The following AGBL1 variants were observed in gnomAD, a reference collection of about 807,000 sequenced individuals.
The protein encoded by AGBL1 is cytosolic carboxypeptidase 4.
AGBL1 carries 130 observed loss-of-function variants against 118.9 expected under a neutral mutation model. That is an observed-to-expected ratio of 1.09 (90% CI 0.95 to 1.26). The LOEUF is 1.26. Ranked by LOEUF, AGBL1 falls within the 50% of genes most tolerant of loss-of-function variation. The probability of loss-of-function intolerance (pLI) is 0.00; values close to 1 mark genes in which losing one functional copy is unlikely to be tolerated. For missense variants in AGBL1, 1,584 were observed against 1,298.1 expected, an observed-to-expected ratio of 1.22 and a Z score of -3.38; for synonymous variants, 555 against 478.9, an observed-to-expected ratio of 1.16 and a Z score of -2.08.
intron 22 of AGBL1, among the ~76,000 whole-genome samples, chr15:86,768,268 C>T (rs918659498): frequency 2.6e-5 from 4 of 151,954 alleles, no homozygotes; most frequent in African/African-American, 9.7e-5. Flanking sequence ...CATCTCCATA[C>T]CCTTCCCATT....
chr15:86,537,382 C>A (rs866482592), intron 19 of AGBL1, among the ~76,000 whole-genome samples: 23 of 152,214 alleles, frequency 1.5e-4, no homozygotes, highest in African/African-American at 2.4e-4. Context: ...AAAGGCCTCT[C>A]AGGCTGATAG....
At chr15:86,264,128 C>T (rs534101935) in intron 10 of AGBL1, 130 bp from the exon 11 acceptor site, 3 of 781,772 alleles carry the variant, frequency 3.8e-6, no homozygotes, top group Admixed American at 6.0e-5. Flanking sequence ...TTTAGTTGAC[C>T]TTGGAAAAAG....
At chr15:86,800,339 GTTTTGTATTTGTGT>G (rs918716426) in intron 22 of AGBL1, among the ~76,000 whole-genome samples, 17 of 152,180 alleles carry the variant, frequency 1.1e-4, no homozygotes, top group African/African-American at 2.6e-4. Context: ...TATTAGGATA[GTTTTGTATTTGTGT>G]TTTTGTATTT....
chr15:86,106,243 C>T (rs143760951), intron 1 of AGBL1, among the ~76,000 whole-genome samples: 1 of 152,150 alleles, frequency 6.6e-6, no homozygotes, highest in Admixed American at 6.5e-5. Flanking sequence ...GATGTGATCC[C>T]TAGAATTCCT....
At chr15:86,471,701 T>C (rs1263635018) in intron 18 of AGBL1, among the ~76,000 whole-genome samples, 1 of 152,154 alleles carries the variant, frequency 6.6e-6, no homozygotes, top group Non-Finnish European at 1.5e-5. Context: ...CTTTAGGGCA[T>C]TCCAGTGCTT....
chr15:86,187,204 A>C (rs1226967704), intron 5 of AGBL1, among the ~76,000 whole-genome samples: 6 of 152,334 alleles, frequency 3.9e-5, no homozygotes, highest in Non-Finnish European at 7.3e-5. Context: ...GATATGGGAG[A>C]AGGAAAGACA....
At chr15:86,726,888 C>T (rs1299232657) in intron 22 of AGBL1, among the ~76,000 whole-genome samples, 1 of 152,082 alleles carries the variant, frequency 6.6e-6, no homozygotes, top group East Asian at 1.9e-4. Flanking sequence ...TTGGATACAC[C>T]AGGTTTTAGT....
At chr15:86,484,580 G>A (rs2082691202) in intron 18 of AGBL1, among the ~76,000 whole-genome samples, 2 of 152,068 alleles carry the variant, frequency 1.3e-5, no homozygotes, top group African/African-American at 4.8e-5. Context: ...GAAACAGGCT[G>A]GCTTCTTCCA....
chr15:86,819,206 G>A (rs932264016), intron 22 of AGBL1, among the ~76,000 whole-genome samples: 1 of 152,042 alleles, frequency 6.6e-6, no homozygotes. Flanking sequence ...TGCTGAGGTC[G>A]GTAGTGATAC....
At chr15:86,682,389 G>A (rs1477173427) in intron 22 of AGBL1, among the ~76,000 whole-genome samples, 5 of 152,090 alleles carry the variant, frequency 3.3e-5, no homozygotes, top group Admixed American at 3.3e-4. Flanking sequence ...AATATTTTTG[G>A]TATGATTTTA....
chr15:86,452,091 A>G (rs1253143259), intron 18 of AGBL1, among the ~76,000 whole-genome samples: 2 of 152,262 alleles, frequency 1.3e-5, no homozygotes, highest in Admixed American at 1.3e-4. Flanking sequence ...GCCCGGACAC[A>G]TTATGTAGAC....
chr15:86,795,942 C>T (rs1567177906), intron 22 of AGBL1, among the ~76,000 whole-genome samples: 1 of 151,748 alleles, frequency 6.6e-6, no homozygotes, highest in East Asian at 2.0e-4. Context: ...ACCAGATTGC[C>T]TTCCTGGAGA....
At chr15:86,294,239 A>C (rs1421586921) in intron 16 of AGBL1, among the ~76,000 whole-genome samples, 1 of 151,878 alleles carries the variant, frequency 6.6e-6, no homozygotes, top group Non-Finnish European at 1.5e-5. Flanking sequence ...TCTCTACTAA[A>C]AATACAAAAA....
intron 4 of AGBL1, among the ~76,000 whole-genome samples, chr15:86,154,871 C>A (rs758634235): frequency 6.6e-6 from 1 of 152,090 alleles, no homozygotes; most frequent in Non-Finnish European, 1.5e-5. Flanking sequence ...AAAAAAAGGT[C>A]TGTGACAGGA....
intron 5 of AGBL1, among the ~76,000 whole-genome samples, chr15:86,204,491 TCC>T (rs910219381): frequency 4.0e-5 from 5 of 123,872 alleles, no homozygotes; most frequent in African/African-American, 1.6e-4. Context: ...TCCTTTCCCT[TCC>T]CCTTCCCCTT....
intron 18 of AGBL1, among the ~76,000 whole-genome samples, chr15:86,475,440 T>C (rs1250229309): frequency 6.6e-6 from 1 of 152,088 alleles, no homozygotes; most frequent in Non-Finnish European, 1.5e-5. Flanking sequence ...CAAGCTTCAG[T>C]AGGCAATTCG....
chr15:86,879,027 C>A (rs1317000034), intron 22 of AGBL1, among the ~76,000 whole-genome samples: 1 of 152,220 alleles, frequency 6.6e-6, no homozygotes, highest in Non-Finnish European at 1.5e-5. Context: ...ATGAGTCAGA[C>A]CAAGAGGGGG....
intron 18 of AGBL1, among the ~76,000 whole-genome samples, chr15:86,503,674 T>C (rs2082942738): frequency 6.6e-6 from 1 of 151,516 alleles, no homozygotes; most frequent in Non-Finnish European, 1.5e-5. Context: ...TATATTGTAA[T>C]TTCTTCTTTG....
chr15:87,018,561 T>C (rs2141797342), intron 24 of AGBL1, among the ~76,000 whole-genome samples: 1 of 152,274 alleles, frequency 6.6e-6, no homozygotes, highest in African/African-American at 2.4e-5. Flanking sequence ...AAGCAAATGC[T>C]GGAGGAATTC....
Sources: gnomAD v4.1 joint callset for allele counts (sites outside exome capture counted in the v4.1 genomes callset) on GRCh38, gnomAD v4.1.1 for gene constraint, MANE v1.5 for transcripts, NCBI Gene and HGNC (gene_info 2026-07-23, HGNC 2026-07-21) for gene names.